The following MEI4 variants were observed in gnomAD, a reference collection of about 807,000 sequenced individuals.
The protein encoded by MEI4 is meiotic double-stranded break formation protein 4.
MEI4 carries 27 observed loss-of-function variants against 31.4 expected under a neutral mutation model. The ratio of observed to expected loss-of-function variants is 0.86; its 90% CI spans 0.63 to 1.19. MEI4 has a LOEUF of 1.19. Ranked by LOEUF, MEI4 falls within the 50% of genes most tolerant of loss-of-function variation. MEI4 has a pLI of 0.00. For missense variants in MEI4, 329 were observed against 398.9 expected (o/e 0.82, Z 1.49); for synonymous variants, 122 against 145.4 (o/e 0.84, Z 1.16).
chr6:77,904,962 A>C (rs1766261327), intron 4 of MEI4, among the ~76,000 whole-genome samples: 1 of 152,118 alleles, frequency 6.6e-6, no homozygotes, highest in Non-Finnish European at 1.5e-5. Context: ...AGAATATTCT[A>C]ATTTTCCTTT....
At chr6:77,858,043 G>A (rs1770783361) in intron 4 of MEI4, among the ~76,000 whole-genome samples, 1 of 152,074 alleles carries the variant, frequency 6.6e-6, no homozygotes, top group African/African-American at 2.4e-5. Flanking sequence ...AACTATAAAA[G>A]GAATCATATT....
At chr6:77,911,723 T>G (rs986556319) in intron 4 of MEI4, among the ~76,000 whole-genome samples, 1 of 147,744 alleles carries the variant, frequency 6.8e-6, no homozygotes, top group African/African-American at 2.5e-5. Context: ...TATATTTTAT[T>G]TATATATATA....
chr6:77,883,833 G>C lies in MEI4; in HGVS notation c.901-39256G>C, dbSNP rs540801701. ...GTGAATAGTGCTACAGTGAACAGTG[G>C]GGGTGCATGTGTACATTTGATATAC... On this transcript the variant is annotated intron_variant, in intron 4 of 4. Coordinates refer to ENST00000684080, the MANE Select transcript of MEI4 (RefSeq NM_001322247.2). 9.9e-4 allele frequency among the ~76,000 whole-genome samples: 147 copies of C among 148,922 alleles called. 5 individuals are homozygous for C. The South Asian group carries it at 0.031, about 31-fold the overall frequency.
chr6:77,726,860 A>G (rs1040849237), intron 2 of MEI4, among the ~76,000 whole-genome samples: 3 of 152,200 alleles, frequency 2.0e-5, no homozygotes, highest in African/African-American at 7.2e-5. Context: ...GACTAGCTGT[A>G]GGAGAGAATA....
chr6:77,759,517 T>C (rs1278104160), intron 2 of MEI4, among the ~76,000 whole-genome samples: 2 of 152,204 alleles, frequency 1.3e-5, no homozygotes, highest in Non-Finnish European at 2.9e-5. Context: ...CCTGAACTTT[T>C]TATAGTCTCT....
At chr6:77,870,622 G>C (rs543798584) in intron 4 of MEI4, among the ~76,000 whole-genome samples, 4 of 152,158 alleles carry the variant, frequency 2.6e-5, no homozygotes, top group African/African-American at 9.6e-5. Flanking sequence ...ACAGTTTTAG[G>C]AGAGAACATA....
chr6:77,787,390 T>C (rs1768769057), intron 3 of MEI4, among the ~76,000 whole-genome samples: 1 of 152,178 alleles, frequency 6.6e-6, no homozygotes, highest in Non-Finnish European at 1.5e-5. Flanking sequence ...TTAGGGACTA[T>C]GCATTATCCT....
chr6:77,708,286 G>A (rs181581890), intron 2 of MEI4, among the ~76,000 whole-genome samples: 13 of 152,322 alleles, frequency 8.5e-5, no homozygotes, highest in African/African-American at 2.9e-4. Context: ...GAAACTTTAA[G>A]ATTTCATATC....
chr6:77,907,750 T>G (rs1382283786), intron 4 of MEI4, among the ~76,000 whole-genome samples: 1 of 152,146 alleles, frequency 6.6e-6, no homozygotes. Context: ...GTTGAACTAC[T>G]TTACAGTCCC....
intron 2 of MEI4, among the ~76,000 whole-genome samples, chr6:77,695,504 T>TA (rs1766006462): frequency 6.6e-6 from 1 of 152,098 alleles, no homozygotes; most frequent in African/African-American, 2.4e-5. Flanking sequence ...TTCCCAGCAC[T>TA]ATTTATTAAA....
At chr6:77,669,989 A>G (rs1015633021) in intron 1 of MEI4, among the ~76,000 whole-genome samples, 1 of 152,174 alleles carries the variant, frequency 6.6e-6, no homozygotes, top group African/African-American at 2.4e-5. Flanking sequence ...TAGTCTTCAT[A>G]TCAGTGGATG....
chr6:77,828,145 A>G (rs1041754039), intron 3 of MEI4, among the ~76,000 whole-genome samples: 8 of 152,072 alleles, frequency 5.3e-5, no homozygotes, highest in African/African-American at 1.4e-4. Flanking sequence ...AACTTAACAG[A>G]TATTTCTCTT....
chr6:77,730,856 C>G (rs2127667271), intron 2 of MEI4, among the ~76,000 whole-genome samples: 1 of 149,438 alleles, frequency 6.7e-6, no homozygotes, highest in East Asian at 2.0e-4. Flanking sequence ...CAATTCCCGC[C>G]TATGAGTGAG....
chr6:77,802,326 G>T (rs1176578400), intron 3 of MEI4, among the ~76,000 whole-genome samples: 1 of 152,102 alleles, frequency 6.6e-6, no homozygotes, highest in Admixed American at 6.6e-5. Context: ...TTGCTTGGTA[G>T]ATCTTCCTCC....
chr6:77,919,464 C>G (rs1340156975), intron 4 of MEI4, among the ~76,000 whole-genome samples: 3 of 151,914 alleles, frequency 2.0e-5, no homozygotes, highest in Non-Finnish European at 4.4e-5. Context: ...AACAAAGACA[C>G]AACATACCAG....
intron 2 of MEI4, among the ~76,000 whole-genome samples, chr6:77,735,385 C>G (rs1246712900): frequency 6.6e-6 from 1 of 151,936 alleles, no homozygotes; most frequent in Non-Finnish European, 1.5e-5. Flanking sequence ...TCATTCATTT[C>G]ATCTTCCATC....
At chr6:77,697,949 C>T (rs1391835228) in intron 2 of MEI4, among the ~76,000 whole-genome samples, 2 of 152,078 alleles carry the variant, frequency 1.3e-5, no homozygotes, top group Non-Finnish European at 2.9e-5. Context: ...TCTGGGTGCT[C>T]CTGTATTGGG....
At chr6:77,876,714 A>T (rs962355972) in intron 4 of MEI4, among the ~76,000 whole-genome samples, 2 of 152,110 alleles carry the variant, frequency 1.3e-5, no homozygotes, top group Non-Finnish European at 2.9e-5. Flanking sequence ...CTCCTTATAT[A>T]ATGTCTAATA....
intron 3 of MEI4, among the ~76,000 whole-genome samples, chr6:77,798,789 A>G (rs1769160107): frequency 6.6e-6 from 1 of 151,662 alleles, no homozygotes; most frequent in Non-Finnish European, 1.5e-5. Context: ...GATGACTTCC[A>G]ATTTCATCCA....
Sources: gnomAD v4.1 joint callset for allele counts (sites outside exome capture counted in the v4.1 genomes callset) on GRCh38, gnomAD v4.1.1 for gene constraint, MANE v1.5 for transcripts, NCBI Gene and HGNC (gene_info 2026-07-23, HGNC 2026-07-21) for gene names.